The following ABI3BP variants were observed in gnomAD, a reference collection of about 807,000 sequenced individuals.
ABI3BP encodes target of Nesh-SH3.
Under a neutral mutation model 268.6 loss-of-function variants are expected in ABI3BP, and 216 were observed. The ratio of observed to expected loss-of-function variants is 0.80; its 90% CI spans 0.72 to 0.90. The LOEUF (loss-of-function observed/expected upper bound fraction) is 0.90. ABI3BP is among the 40% of genes least tolerant of loss of function. The pLI is 0.00. For missense variants in ABI3BP, 2,090 were observed against 2,182.4 expected (o/e 0.96, Z 0.84); for synonymous variants, 730 against 730.0 (o/e 1.00, Z 0.00).
rs2095420492 is a variant in ABI3BP at position 100,753,008 on chromosome 3, A to G, written c.4961-60T>C. 2.7e-6 allele frequency: 4 copies of G among 1,490,590 alleles called. No homozygotes were observed. In the South Asian group the frequency reaches 5.3e-5, roughly 20 times the overall value. The allele number at this position is 1,490,590 out of a possible 1,614,324, so 92.3% of individuals were successfully genotyped here. A position where few individuals can be genotyped will look rare whatever the true frequency, so the allele number is the denominator to read the frequency against. ...ACTCTTGGGTCAGATACTTCAAGAAATCAGTTTACAAAATTTGTCAACTTG... is the reference window on the plus strand; with the variant it reads ...ACTCTTGGGTCAGATACTTCAAGAAGTCAGTTTACAAAATTTGTCAACTTG... On this transcript the variant is annotated intron_variant, in intron 65 of 67. Transcript: ENST00000471714.
In ABI3BP at chr3:100,767,544, A is replaced by G. The variant is rs79861467; in HGVS notation, c.4742-1595T>C. 4.7e-3 allele frequency among the ~76,000 whole-genome samples: 712 copies of G among 152,034 alleles called. 4 individuals are homozygous for G. Among genetic ancestry groups the G allele is most frequent in the African/African-American group, 0.016 (644 of 41,460 alleles). On this transcript the variant is annotated intron_variant, in intron 62 of 67. Coordinates refer to ENST00000471714, the MANE Select transcript of ABI3BP (RefSeq NM_001375547.2). ...TTTTATATTTTTTCCTCAGCTGTGA[A>G]GGGATATTTGTTAGAAAAAGATGGA... is the stretch of plus-strand genomic sequence containing the variant.
chr3:100,794,880 A>G, intron 54 of ABI3BP, 43 bp downstream of exon 54: 1 of 1,440,126 alleles, frequency 6.9e-7, no homozygotes, highest in Non-Finnish European at 9.5e-7. Flanking sequence ...GGAAATTCCT[A>G]AAAGGCAAGC....
chr3:100,873,426 C>G (rs1198613643), intron 9 of ABI3BP, among the ~76,000 whole-genome samples: 2 of 152,010 alleles, frequency 1.3e-5, no homozygotes, highest in Admixed American at 1.3e-4. Context: ...GTCTCCAGGG[C>G]AGGGAGGGAA....
intron 2 of ABI3BP, chr3:100,912,291 A>AAC (rs1158116379): frequency 6.4e-6 from 1 of 155,706 alleles, no homozygotes; most frequent in Non-Finnish European, 1.4e-5. Flanking sequence ...AAAAAAAAAA[A>AAC]AAAAAAAAAA....
intron 14 of ABI3BP, among the ~76,000 whole-genome samples, chr3:100,858,595 A>T (rs2098963836): frequency 6.6e-6 from 1 of 152,250 alleles, no homozygotes. Flanking sequence ...CAGATCCAGA[A>T]AATAGTAAAG....
intron 3 of ABI3BP, 90 bp from the exon 4 acceptor site, chr3:100,898,984 G>A (rs2048933527): frequency 3.0e-6 from 4 of 1,351,712 alleles, no homozygotes; most frequent in Non-Finnish European, 4.0e-6. Flanking sequence ...GACTTGGCAA[G>A]ATGATGCAAA....
intron 49 of ABI3BP, 97 bp from the exon 50 acceptor site, chr3:100,808,332 G>T (rs1221238283): frequency 6.0e-6 from 5 of 838,398 alleles, no homozygotes; most frequent in Non-Finnish European, 9.1e-6. Flanking sequence ...AGTGATTGAA[G>T]ACCTAAATAC....
intron 2 of ABI3BP, among the ~76,000 whole-genome samples, chr3:100,921,943 T>C (rs1227362348): frequency 2.0e-5 from 3 of 152,252 alleles, no homozygotes; most frequent in Non-Finnish European, 2.9e-5. Flanking sequence ...GGTAAACATA[T>C]CATTAAACAA....
At chr3:100,845,942 G>A (rs1244279594) in intron 20 of ABI3BP, among the ~76,000 whole-genome samples, 1 of 151,674 alleles carries the variant, frequency 6.6e-6, no homozygotes, top group Admixed American at 6.6e-5. Context: ...AAGTCTTGGA[G>A]CATTGGGAAA....
chr3:100,782,087 G>C (rs949452139), intron 57 of ABI3BP, among the ~76,000 whole-genome samples: 2 of 152,164 alleles, frequency 1.3e-5, no homozygotes, highest in African/African-American at 4.8e-5. Context: ...CCTCTACTCT[G>C]TCTCTTGGGT....
chr3:100,805,739 C>T (rs1452900455), intron 50 of ABI3BP, among the ~76,000 whole-genome samples: 1 of 151,890 alleles, frequency 6.6e-6, no homozygotes, highest in Non-Finnish European at 1.5e-5. Context: ...TCTCTATATC[C>T]CAGTTCTGCA....
intron 29 of ABI3BP, 115 bp from the exon 30 acceptor site, chr3:100,833,272 C>T: frequency 4.3e-6 from 4 of 920,362 alleles, no homozygotes; most frequent in South Asian, 1.7e-5. Flanking sequence ...GGTTCTATAG[C>T]CACAAAGCAA....
At position 100,894,965 on chromosome 3, in the gene ABI3BP, A is replaced by AAAC. The variant is rs1561385746; in HGVS notation, c.461+3794_461+3796dup. Among the ~76,000 whole-genome samples, 10 of 120,878 alleles carry AAAC rather than the reference A, an allele frequency of 8.3e-5. 2 individuals are homozygous for AAAC. The highest frequency in any genetic ancestry group is 1.2e-4 in the Non-Finnish European group (6 of 51,390). 79.3% of individuals were successfully genotyped at this position (120,878 alleles called of 152,430 possible). On this transcript the variant is annotated intron_variant, in intron 4 of 67. Coordinates refer to ENST00000471714, the MANE Select transcript of ABI3BP (RefSeq NM_001375547.2). ...AAAAAAAAAAAAAAAAAAAAAAAAA[A>AAAC]AACAGAAAAAAAAAACACAAGATGA...
At chr3:100,951,268 T>C (rs1477956954) in intron 1 of ABI3BP, among the ~76,000 whole-genome samples, 1 of 151,742 alleles carries the variant, frequency 6.6e-6, no homozygotes, top group Non-Finnish European at 1.5e-5. Flanking sequence ...TTGCCCCACC[T>C]CCCCCTACAT....
At chr3:100,961,441 C>A (rs911265219) in intron 1 of ABI3BP, among the ~76,000 whole-genome samples, 2 of 152,048 alleles carry the variant, frequency 1.3e-5, no homozygotes, top group Admixed American at 6.5e-5. Flanking sequence ...GAAATGATCC[C>A]CCATTTAGAA....
intron 65 of ABI3BP, 112 bp downstream of exon 65, chr3:100,753,707 T>G (rs910656055): frequency 1.7e-6 from 2 of 1,158,608 alleles, no homozygotes; most frequent in African/African-American, 3.1e-5. Flanking sequence ...TTTGGTGTTA[T>G]AAGAAGACTA....
chr3:100,895,633 A>G (rs1411204402), intron 4 of ABI3BP, among the ~76,000 whole-genome samples: 1 of 152,230 alleles, frequency 6.6e-6, no homozygotes, highest in East Asian at 1.9e-4. Flanking sequence ...TAGCAAGCCA[A>G]GTGCATTCAG....
chr3:100,788,903 C>A (rs1028943529), intron 56 of ABI3BP, among the ~76,000 whole-genome samples: 1 of 152,036 alleles, frequency 6.6e-6, no homozygotes. Context: ...ACTAGATCAA[C>A]CCCTGCAAGT....
Position 100,852,073 on chromosome 3 carries a change from T to C in ABI3BP, c.1286-133A>G, listed in dbSNP as rs921964283. The stretch of plus-strand genomic sequence containing the variant: ...TATGTAGGTACTGGTACATTTTGGC[T>C]CCAGGCTGCCAGCCTTGTCACTAAC... On this transcript the variant is annotated intron_variant, in intron 14 of 67. Transcript: ENST00000471714. The C allele has an allele frequency of 7.8e-6, 6 of 766,042 alleles. No homozygotes were observed. The African/African-American group carries it at 8.8e-5, about 11-fold the overall frequency. The allele number at this position is 766,042 out of a possible 1,614,324, so 47.5% of individuals were successfully genotyped here.
Sources: allele counts gnomAD v4.1 joint callset (sites outside exome capture counted in the v4.1 genomes callset), GRCh38; gene constraint gnomAD v4.1.1; transcripts MANE v1.5; gene names NCBI Gene and HGNC (gene_info 2026-07-23, HGNC 2026-07-21).